Variants in COL10A1 observed in about 807,000 individuals in gnomAD.
COL10A1 encodes the protein collagen type X alpha 1 chain.
Under a neutral mutation model 18.2 loss-of-function variants are expected in COL10A1, and 10 were observed. That is an observed-to-expected ratio of 0.55 (90% CI 0.34 to 0.93). The LOEUF (loss-of-function observed/expected upper bound fraction) is 0.93, where lower values mean the gene tolerates loss of function less well. COL10A1 is among the 40% of genes least tolerant of loss of function. COL10A1 has a pLI of 0.02. For missense variants in COL10A1, 897 were observed against 853.5 expected, an observed-to-expected ratio of 1.05 and a Z score of -0.64; for synonymous variants, 330 against 316.6, an observed-to-expected ratio of 1.04 and a Z score of -0.45.
intron 2 of COL10A1, 55 bp downstream of exon 2, chr6:116,125,284 T>A: frequency 6.3e-7 from 1 of 1,583,612 alleles, no homozygotes; most frequent in Non-Finnish European, 8.6e-7. Flanking sequence ...ATTATTAAGA[T>A]TATAGAAAGC....
rs544895054 is a variant in COL10A1, at chr6:116,121,488, G to T, written c.628C>A (p.Pro210Thr). ...GERGLPGPQGPTGPSGPPGVG... is the reference protein window; with the variant it reads ...GERGLPGPQGTTGPSGPPGVG... ...CCAGGAGGGCCAGATGGTCCTGTGG[G>T]ACCCTGAGGGCCTGGAAGACCCCTC... Residue 210 changes from proline (P) to threonine (T), a missense_variant, in exon 3 of 3, where the codon CCC becomes ACC. Physicochemically the swap from Pro to Thr is conservative, Grantham distance 38. Transcript: ENST00000651968. 3.7e-6 allele frequency: 6 copies of T among 1,614,084 alleles called. No individual in the cohort carries two copies. The African/African-American group carries it at 8.0e-5, about 22-fold the overall frequency.
the COL10A1 span, among the ~76,000 whole-genome samples, chr6:116,179,264 A>G: frequency 0.21 from 32,084 of 152,044 alleles, 3,546 homozygotes; most frequent in East Asian, 0.27. Flanking sequence ...TATCTTATTA[A>G]TATTACATTA....
intron 2 of COL10A1, 128 bp downstream of exon 2, chr6:116,125,211 A>T: frequency 1.0e-6 from 1 of 973,900 alleles, no homozygotes; most frequent in East Asian, 2.5e-5. Context: ...CTTTGTTGTA[A>T]TAATTTGGGC....
the COL10A1 span, among the ~76,000 whole-genome samples, chr6:116,213,486 C>T: frequency 6.6e-5 from 10 of 152,152 alleles, no homozygotes; most frequent in African/African-American, 2.4e-4. Context: ...CAGGGTCATT[C>T]GCACTGCATT....
chr6:116,167,846 G>C, the COL10A1 span, among the ~76,000 whole-genome samples: 3 of 152,068 alleles, frequency 2.0e-5, no homozygotes, highest in African/African-American at 7.2e-5. Flanking sequence ...AATCATATCT[G>C]TGTATTGGAT....
chr6:116,120,929 A>T lies in COL10A1; in HGVS notation c.1187T>A (p.Leu396His). The T allele has an allele frequency of 1.2e-6, 2 of 1,613,732 alleles. No individual in the cohort carries two copies. The highest frequency in any genetic ancestry group is 1.7e-6 in the Non-Finnish European group (2 of 1,179,860). ...CCCTGGGTTACCCTTAGGACCATCGAGACCTGGTTTTCCTGGGTACCCTGG... is the reference window on the plus strand; with the variant it reads ...CCCTGGGTTACCCTTAGGACCATCGTGACCTGGTTTTCCTGGGTACCCTGG... ...GKPGYPGKPG[L>H]DGPKGNPGLP... The change falls in exon 3 of 3, where the codon CTC becomes CAC. Residue 396 changes from leucine (L) to histidine (H), a missense_variant. Coordinates refer to ENST00000651968, the MANE Select transcript of COL10A1 (RefSeq NM_000493.4).
the COL10A1 span, among the ~76,000 whole-genome samples, chr6:116,183,202 C>T: frequency 6.6e-6 from 1 of 152,050 alleles, no homozygotes; most frequent in Non-Finnish European, 1.5e-5. Context: ...GGCTTTATTT[C>T]TGGGTTCTCT....
chr6:116,167,659 T>G, the COL10A1 span, among the ~76,000 whole-genome samples: 3 of 152,212 alleles, frequency 2.0e-5, no homozygotes, highest in Non-Finnish European at 4.4e-5. Context: ...TCGTTAGTTT[T>G]TAATTTGTTT....
At chr6:116,181,650 T>G in the COL10A1 span, among the ~76,000 whole-genome samples, 10 of 151,864 alleles carry the variant, frequency 6.6e-5, no homozygotes, top group South Asian at 1.5e-3. Flanking sequence ...CCCAACACAA[T>G]CAATTGGAAA....
At chr6:116,163,872 A>G in the COL10A1 span, among the ~76,000 whole-genome samples, 1 of 152,162 alleles carries the variant, frequency 6.6e-6, no homozygotes, top group Admixed American at 6.5e-5. Flanking sequence ...ATTCAAGAGC[A>G]AGTTGTTTGG....
intron 2 of COL10A1, among the ~76,000 whole-genome samples, chr6:116,123,478 C>A (rs1043868856): frequency 3.9e-5 from 6 of 152,204 alleles, no homozygotes; most frequent in African/African-American, 1.4e-4. Context: ...AAACTGAAAT[C>A]GTGATTGGTT....
chr6:116,166,032 A>T, the COL10A1 span, among the ~76,000 whole-genome samples: 1 of 152,154 alleles, frequency 6.6e-6, no homozygotes, highest in Non-Finnish European at 1.5e-5. Context: ...CACTGACAGC[A>T]TTGCCTGGGG....
intron 1 of COL10A1, among the ~76,000 whole-genome samples, chr6:116,147,005 A>G (rs928313627): frequency 2.7e-5 from 4 of 148,148 alleles, no homozygotes; most frequent in Non-Finnish European, 6.0e-5. Flanking sequence ...TATAAAATAT[A>G]TATATATATT....
At chr6:116,152,624 A>T (rs1364904047) in intron 1 of COL10A1, among the ~76,000 whole-genome samples, 1 of 152,138 alleles carries the variant, frequency 6.6e-6, no homozygotes, top group Non-Finnish European at 1.5e-5. Context: ...ACCCCTTAAC[A>T]TAATGAAGAC....
In COL10A1 at chr6:116,121,700, C is replaced by T. The variant is rs747086933; in HGVS notation, c.416G>A (p.Gly139Asp). 6.8e-6 allele frequency: 11 copies of T among 1,613,598 alleles called. No individual in the cohort carries two copies. The Admixed American group carries it at 1.8e-4, about 27-fold the overall frequency. The change falls in exon 3 of 3, where the codon GGC becomes GAC. Residue 139 changes from glycine (G) to aspartate (D), a missense_variant. By Grantham distance (94) the Gly-to-Asp change is moderately conservative (BLOSUM62 -1). Coordinates refer to ENST00000651968, the MANE Select transcript of COL10A1 (RefSeq NM_000493.4). ...VGPAGLPGPR[G>D]PPGPPGIPGP... ...AGGGATTCCAGGTGGTCCTGGTGGG[C>T]CCCGGGGTCCTGGTAGGCCAGCTGG...
At chr6:116,194,349 C>T in the COL10A1 span, among the ~76,000 whole-genome samples, 2 of 151,862 alleles carry the variant, frequency 1.3e-5, no homozygotes, top group Non-Finnish European at 2.9e-5. Context: ...ACAGAGTAAA[C>T]AGATTATTTA....
chr6:116,136,447 A>T (rs1562133071), intron 1 of COL10A1, among the ~76,000 whole-genome samples: 2 of 148,956 alleles, frequency 1.3e-5, no homozygotes. Context: ...GGTTATAGCT[A>T]TTTTTTTTAA....
chr6:116,147,537 TAA>T (rs1418116697), intron 1 of COL10A1, among the ~76,000 whole-genome samples: 6 of 152,124 alleles, frequency 3.9e-5, no homozygotes, highest in Non-Finnish European at 7.4e-5. Context: ...TAAGAAGTTA[TAA>T]AAAGTTCATT....
At chr6:116,208,471 T>A in the COL10A1 span, among the ~76,000 whole-genome samples, 1 of 152,046 alleles carries the variant, frequency 6.6e-6, no homozygotes, top group Admixed American at 6.6e-5. Context: ...CCTGGAGGCA[T>A]CTTTGTTTTG....
Sources: gnomAD v4.1 joint callset for allele counts (sites outside exome capture counted in the v4.1 genomes callset) on GRCh38, gnomAD v4.1.1 for gene constraint, MANE v1.5 for transcripts, NCBI Gene and HGNC (gene_info 2026-07-23, HGNC 2026-07-21) for gene names.